RPRD1B: variants seen among roughly 807,000 people sequenced by gnomAD.
RPRD1B encodes regulation of nuclear pre-mRNA domain-containing protein 1B.
RPRD1B carries 11 observed loss-of-function variants against 41.5 expected under a neutral mutation model. The ratio of observed to expected loss-of-function variants is 0.27; its 90% CI spans 0.17 to 0.44. RPRD1B has a LOEUF of 0.44. RPRD1B is among the 20% of genes least tolerant of loss of function. The pLI is 1.00. For synonymous variants in RPRD1B, 158 were observed against 155.6 expected (o/e 1.02, Z -0.12); for missense variants, 248 against 389.9 (o/e 0.64, Z 3.06).
intron 6 of RPRD1B, among the ~76,000 whole-genome samples, chr20:38,070,069 T>TC (rs2074396535): frequency 1.3e-5 from 2 of 148,366 alleles, no homozygotes; most frequent in Admixed American, 1.3e-4. Flanking sequence ...AATGATTGGT[T>TC]GTAAAGAATA....
At position 38,066,262 on chromosome 20, in the gene RPRD1B, T is replaced by C; in HGVS notation, c.831+6T>C. On this transcript the variant is annotated splice_donor_region_variant and intron_variant, in intron 6 of 6. Coordinates refer to ENST00000373433, the MANE Select transcript of RPRD1B (RefSeq NM_021215.4). ...AGAAGGAGAAAAAACTAGAGGTGAG[T>C]GCATTGAAGGCAGACCCAGACTGCC... is the stretch of plus-strand genomic sequence containing the variant. 1 of 1,613,754 alleles carries C rather than the reference T, an allele frequency of 6.2e-7. No individual in the cohort carries two copies. The highest frequency in any genetic ancestry group is 2.2e-5 in the East Asian group (1 of 44,862).
At chr20:38,073,278 A>G (rs2074428845) in intron 6 of RPRD1B, among the ~76,000 whole-genome samples, 1 of 152,204 alleles carries the variant, frequency 6.6e-6, no homozygotes, top group African/African-American at 2.4e-5. Context: ...GGTTCTAAGT[A>G]CCTGCCTCGC....
intron 5 of RPRD1B, among the ~76,000 whole-genome samples, chr20:38,063,076 T>C (rs1338259039): frequency 6.6e-6 from 1 of 152,136 alleles, no homozygotes; most frequent in African/African-American, 2.4e-5. Context: ...TCAAGTCATA[T>C]GGGCTCCTTG....
In RPRD1B at chr20:38,077,916, C is replaced by G. The variant is rs142861125; in HGVS notation, c.831+11660C>G. On this transcript the variant is annotated intron_variant, in intron 6 of 6. Coordinates refer to ENST00000373433, the MANE Select transcript of RPRD1B (RefSeq NM_021215.4). ...AGTGGCCAGGTGTGGTGGTTCACACCTGTAATCCCAGCACTTTGGGAGGCT... is the reference window on the plus strand; with the variant it reads ...AGTGGCCAGGTGTGGTGGTTCACACGTGTAATCCCAGCACTTTGGGAGGCT... 5.0e-3 allele frequency among the ~76,000 whole-genome samples: 763 copies of G among 152,232 alleles called. 4 individuals are homozygous for G. The highest frequency in any genetic ancestry group is 0.018 in the African/African-American group (739 of 41,524).
chr20:38,090,134 C>A lies in RPRD1B; in HGVS notation c.*259C>A. The A allele has an allele frequency of 3.4e-6, 4 of 1,183,338 alleles. No homozygotes were observed. The highest frequency in any genetic ancestry group is 4.2e-6 in the Non-Finnish European group (4 of 953,456). The allele number at this position is 1,183,338 out of a possible 1,614,324, so 73.3% of individuals were successfully genotyped here. On this transcript the variant is annotated 3_prime_UTR_variant, in exon 7 of 7. Coordinates refer to ENST00000373433, the MANE Select transcript of RPRD1B (RefSeq NM_021215.4). ...TTCTCCCACTTCATATTTTCATGCC[C>A]CCCTGTTGGTTTTCCATTCTTAACT...
At chr20:38,035,853 C>T (rs1020894336) in intron 1 of RPRD1B, among the ~76,000 whole-genome samples, 6 of 151,836 alleles carry the variant, frequency 4.0e-5, no homozygotes, top group African/African-American at 1.5e-4. Flanking sequence ...CAAGCTCCAC[C>T]TCCCGGGTTC....
chr20:38,070,321 A>G, intron 6 of RPRD1B: 1 of 985,514 alleles, frequency 1.0e-6, no homozygotes, highest in Non-Finnish European at 1.2e-6. Context: ...TGTTTTTGTC[A>G]TGAACATGAG....
At chr20:38,050,846 A>G (rs1277791627) in intron 3 of RPRD1B, among the ~76,000 whole-genome samples, 2 of 152,248 alleles carry the variant, frequency 1.3e-5, no homozygotes, top group African/African-American at 2.4e-5. Flanking sequence ...GAAAACACAC[A>G]TCAAAAGATT....
chr20:38,066,290 C>T (rs779623731), intron 6 of RPRD1B, 34 bp downstream of exon 6: 15 of 1,595,052 alleles, frequency 9.4e-6, no homozygotes, highest in South Asian at 6.7e-5. Context: ...AGACTGCCCA[C>T]GTTTCCCTTC....
At chr20:38,068,076 A>G (rs2122740656) in intron 6 of RPRD1B, among the ~76,000 whole-genome samples, 1 of 152,318 alleles carries the variant, frequency 6.6e-6, no homozygotes, top group African/African-American at 2.4e-5. Flanking sequence ...TTGTTGGGGA[A>G]TCATTCTGGT....
At chr20:38,062,298 G>A (rs945930429) in intron 5 of RPRD1B, among the ~76,000 whole-genome samples, 1 of 151,992 alleles carries the variant, frequency 6.6e-6, no homozygotes, top group African/African-American at 2.4e-5. Context: ...CCCTTCTTTA[G>A]CTGGTTTCAC....
chr20:38,068,339 A>G (rs956580940), intron 6 of RPRD1B, among the ~76,000 whole-genome samples: 2 of 152,178 alleles, frequency 1.3e-5, no homozygotes, highest in East Asian at 3.9e-4. Context: ...AGAACCATTT[A>G]TTGTAAAAAA....
intron 2 of RPRD1B, among the ~76,000 whole-genome samples, chr20:38,041,885 T>TTCCTATATTCCAGGCACCTA (rs1322441724): frequency 6.6e-6 from 1 of 152,214 alleles, no homozygotes; most frequent in African/African-American, 2.4e-5. Flanking sequence ...CATTTGTTTT[T>TTCCTATATTCCAGGCACCTA]TCCTATATTC....
At chr20:38,088,603 A>G (rs2074583940) in intron 6 of RPRD1B, among the ~76,000 whole-genome samples, 1 of 152,274 alleles carries the variant, frequency 6.6e-6, no homozygotes, top group Non-Finnish European at 1.5e-5. Flanking sequence ...CCCAGACTTC[A>G]CATGGCCTAG....
At chr20:38,073,519 A>T (rs924157568) in intron 6 of RPRD1B, among the ~76,000 whole-genome samples, 1 of 152,176 alleles carries the variant, frequency 6.6e-6, no homozygotes, top group African/African-American at 2.4e-5. Context: ...ACAACTTGAG[A>T]AATTCTTTGG....
In RPRD1B at chr20:38,091,064, G is replaced by A. The variant is rs1195065003; in HGVS notation, c.*1189G>A. 2.0e-6 allele frequency: 2 copies of A among 985,692 alleles called. No individual in the cohort carries two copies. The highest frequency in any genetic ancestry group is 3.5e-5 in the African/African-American group (2 of 57,236). The allele number at this position is 985,692 out of a possible 1,614,324, so 61.1% of individuals were successfully genotyped here. A position where few individuals can be genotyped will look rare whatever the true frequency, so the allele number is the denominator to read the frequency against. On this transcript the variant is annotated 3_prime_UTR_variant, in exon 7 of 7. Transcript: ENST00000373433. ...ACATTATGACTATATAATGTAGTTA[G>A]AGACAATTTTTATCTTGCTTATAGT...
chr20:38,070,841 C>T lies in RPRD1B; in HGVS notation c.831+4585C>T, dbSNP rs561518779. The T allele has an allele frequency of 3.4e-4, 189 of 549,886 alleles. 2 individuals carry two copies. The African/African-American group carries it at 3.7e-3, about 11-fold the overall frequency. The allele number at this position is 549,886 out of a possible 1,614,324, so 34.1% of individuals were successfully genotyped here. ...CTGCCTCCCGGGTTCAAGCGATTCT[C>T]GTGCCTCAGCCTCCCGAGTAGCTGG... is the stretch of plus-strand genomic sequence containing the variant. On this transcript the variant is annotated intron_variant, in intron 6 of 6. Coordinates refer to ENST00000373433, the MANE Select transcript of RPRD1B (RefSeq NM_021215.4).
intron 5 of RPRD1B, among the ~76,000 whole-genome samples, chr20:38,065,668 G>C (rs570811288): frequency 1.1e-4 from 17 of 152,026 alleles, no homozygotes; most frequent in Non-Finnish European, 5.9e-5. Context: ...TTCATGGTTG[G>C]TTGAATCCAC....
Position 38,089,957 on chromosome 20 carries a change from C to T in RPRD1B, c.*82C>T. 1.9e-6 allele frequency: 3 copies of T among 1,551,258 alleles called. No individual in the cohort carries two copies. In the South Asian group the frequency reaches 3.7e-5, roughly 19 times the overall value. On this transcript the variant is annotated 3_prime_UTR_variant, in exon 7 of 7. Transcript: ENST00000373433. The stretch of plus-strand genomic sequence containing the variant: ...ATGGTTGGAAATAACCTTCTAGCCC[C>T]TGGTTCTATCCCTTCTTCCGCCCAG...
Sources: gnomAD v4.1 joint callset for allele counts (sites outside exome capture counted in the v4.1 genomes callset) on GRCh38, gnomAD v4.1.1 for gene constraint, MANE v1.5 for transcripts, NCBI Gene and HGNC (gene_info 2026-07-23, HGNC 2026-07-21) for gene names.